The following LYSET variants were observed in gnomAD, a reference collection of about 807,000 sequenced individuals.
LYSET encodes lysosomal enzyme trafficking factor, also known as GNPTAB cleavage and activity factor.
the LYSET span, chr14:93,186,551 T>A: frequency 5.0e-6 from 8 of 1,614,244 alleles, no homozygotes; most frequent in Non-Finnish European, 6.8e-6. Flanking sequence ...GTACAAGAGC[T>A]GATCCCAAAA....
At chr14:93,186,726 C>G in the LYSET span, 22 of 1,516,816 alleles carry the variant, frequency 1.5e-5, 1 homozygote, top group African/African-American at 1.7e-4. Context: ...TATATGGAGT[C>G]TGATCACAAG....
chr14:93,186,530 C>A, the LYSET span: 1 of 1,614,074 alleles, frequency 6.2e-7, no homozygotes, highest in Non-Finnish European at 8.5e-7. Flanking sequence ...TGTTTTTGTT[C>A]CTATACTCTT....
At chr14:93,187,365 C>A in the LYSET span, among the ~76,000 whole-genome samples, 30 of 152,156 alleles carry the variant, frequency 2.0e-4, no homozygotes, top group South Asian at 6.0e-3. Context: ...CTCAAGCTTT[C>A]CTCCTCTCTC....
At chr14:93,185,334 C>A in the LYSET span, 1 of 1,473,430 alleles carries the variant, frequency 6.8e-7, no homozygotes, top group South Asian at 1.1e-5. Flanking sequence ...GCTGGTGCTC[C>A]AGGCTGGCGG....
the LYSET span, among the ~76,000 whole-genome samples, chr14:93,185,775 T>A: frequency 6.6e-6 from 1 of 152,214 alleles, no homozygotes. Flanking sequence ...TTGTAAGTAT[T>A]ACACAAAACA....
the LYSET span, chr14:93,186,482 G>C: frequency 1.4e-5 from 23 of 1,613,944 alleles, no homozygotes; most frequent in South Asian, 2.5e-4. Flanking sequence ...TGCCTTTTTG[G>C]GTGTGGACAG....
chr14:93,187,693 G>A, the LYSET span, among the ~76,000 whole-genome samples: 2 of 152,114 alleles, frequency 1.3e-5, no homozygotes, highest in African/African-American at 2.4e-5. Context: ...GTGCAGTGGT[G>A]CAGTCTTGGC....
At chr14:93,186,610 G>A in the LYSET span, 18 of 1,613,844 alleles carry the variant, frequency 1.1e-5, no homozygotes, top group African/African-American at 2.7e-5. Context: ...ATTTGCAATC[G>A]CCACCAGGCA....
chr14:93,188,062 T>A, the LYSET span, among the ~76,000 whole-genome samples: 3 of 148,976 alleles, frequency 2.0e-5, no homozygotes, highest in Non-Finnish European at 4.5e-5. Flanking sequence ...AGGTTCATGC[T>A]ATTCTCCTGC....
At chr14:93,188,311 G>A in the LYSET span, among the ~76,000 whole-genome samples, 1 of 152,148 alleles carries the variant, frequency 6.6e-6, no homozygotes, top group South Asian at 2.1e-4. Flanking sequence ...TCTAAAAGAT[G>A]CTATCAAGTC....
the LYSET span, among the ~76,000 whole-genome samples, chr14:93,188,372 AG>A: frequency 1.3e-5 from 2 of 152,214 alleles, no homozygotes; most frequent in South Asian, 4.1e-4. Flanking sequence ...ATCAGGCAGT[AG>A]GTTAATTACA....
chr14:93,185,189 G>T, the LYSET span: 4 of 226,864 alleles, frequency 1.8e-5, no homozygotes, highest in East Asian at 2.6e-4. Flanking sequence ...AGGGGGCGGG[G>T]CCGGCCGCCC....
chr14:93,186,148 C>T, the LYSET span: 348 of 1,044,844 alleles, frequency 3.3e-4, no homozygotes, highest in Admixed American at 9.5e-4. Context: ...GGATTACAGG[C>T]GCGAGCCACC....
the LYSET span, chr14:93,185,373 C>T: frequency 6.2e-7 from 1 of 1,608,180 alleles, no homozygotes; most frequent in Admixed American, 1.7e-5. Context: ...CCGGGTGACC[C>T]AGGGGATTTA....
At chr14:93,187,631 AATT>A in the LYSET span, among the ~76,000 whole-genome samples, 5 of 152,020 alleles carry the variant, frequency 3.3e-5, no homozygotes, top group Admixed American at 6.6e-5. Context: ...TATTTATTTA[AATT>A]ATTATTATTA....
At chr14:93,185,225 C>G in the LYSET span, 1 of 389,220 alleles carries the variant, frequency 2.6e-6, no homozygotes, top group Non-Finnish European at 4.5e-6. Flanking sequence ...GGGGACGCCT[C>G]CCTGCCGGGT....
the LYSET span, chr14:93,186,861 C>T: frequency 1.9e-6 from 1 of 534,506 alleles, no homozygotes; most frequent in East Asian, 3.1e-5. Context: ...AGATAGAGTA[C>T]TACAAAATCA....
At chr14:93,186,550 C>T in the LYSET span, 2 of 1,614,250 alleles carry the variant, frequency 1.2e-6, no homozygotes, top group Non-Finnish European at 1.7e-6. Context: ...TGTACAAGAG[C>T]TGATCCCAAA....
At chr14:93,185,335 A>T in the LYSET span, 5 of 1,474,186 alleles carry the variant, frequency 3.4e-6, no homozygotes, top group Non-Finnish European at 4.7e-6. Flanking sequence ...CTGGTGCTCC[A>T]GGCTGGCGGC....
Sources: gnomAD v4.1 joint callset for allele counts (sites outside exome capture counted in the v4.1 genomes callset) on GRCh38, gnomAD v4.1.1 for gene constraint, MANE v1.5 for transcripts, NCBI Gene and HGNC (gene_info 2026-07-23, HGNC 2026-07-21) for gene names.